HSD17B3: variants seen among roughly 807,000 people sequenced by gnomAD.
The protein encoded by HSD17B3 is hydroxysteroid 17-beta dehydrogenase 3.
A neutral mutation model predicts 41.1 loss-of-function variants in HSD17B3; 29 were observed. The ratio of observed to expected loss-of-function variants is 0.71; its 90% CI spans 0.53 to 0.96. HSD17B3 has a LOEUF of 0.96. Among genes scored for constraint, HSD17B3 ranks in the 40% least tolerant of loss-of-function variants. The pLI is 0.00. For missense variants in HSD17B3, 323 were observed against 374.6 expected, an observed-to-expected ratio of 0.86 and a Z score of 1.14; for synonymous variants, 126 against 145.6, an observed-to-expected ratio of 0.87 and a Z score of 0.97.
chr9:96,244,242 G>T, intron 9 of HSD17B3, 87 bp downstream of exon 9: 1 of 1,309,048 alleles, frequency 7.6e-7, no homozygotes, highest in Non-Finnish European at 1.1e-6. Flanking sequence ...CCCCAGCCAC[G>T]GGAGGTCCAG....
At chr9:96,276,417 T>C (rs997479418) in intron 2 of HSD17B3, among the ~76,000 whole-genome samples, 1 of 152,126 alleles carries the variant, frequency 6.6e-6, no homozygotes, top group Non-Finnish European at 1.5e-5. Context: ...AAAATTCATA[T>C]GGAACCACAA....
rs1825569121 is a variant in HSD17B3 at position 96,254,905 on chromosome 9, C to G, written c.240G>C (p.Arg80=). ...KRGLNVVLIS[R]TLEKLEAIAT... ...CAATGGCCTCTAGTTTTTCCAGCGTCCGGCTAATAAGGACAACATTGAGTC... is the reference window on the plus strand; with the variant it reads ...CAATGGCCTCTAGTTTTTCCAGCGTGCGGCTAATAAGGACAACATTGAGTC... Residue 80 remains arginine, a synonymous_variant, in exon 3 of 11, where the codon CGG becomes CGC. Coordinates refer to ENST00000375263, the MANE Select transcript of HSD17B3 (RefSeq NM_000197.2). The G allele has an allele frequency of 6.2e-7, 1 of 1,613,932 alleles. No homozygotes were observed. Among genetic ancestry groups the G allele is most frequent in the Admixed American group, 1.7e-5 (1 of 59,978 alleles).
chr9:96,263,383 T>C (rs1033654012), intron 2 of HSD17B3, among the ~76,000 whole-genome samples: 1 of 151,928 alleles, frequency 6.6e-6, no homozygotes, highest in Non-Finnish European at 1.5e-5. Context: ...ACAAATTTGA[T>C]TACAGTGTAG....
Position 96,251,432 on chromosome 9 carries a change from G to A in HSD17B3, c.439C>T (p.Pro147Ser), listed in dbSNP as rs1002934063. Reference protein sequence around the residue: ...NLLPSHFLNAPDEIQSLIHCN... With the variant: ...NLLPSHFLNASDEIQSLIHCN... Reference sequence around the variant, plus strand: ...CACAAGTCTACCTGGATTTCATCCGGTGCGTTCAGGAAATGGCTTGGGAGA... The same window carrying A: ...CACAAGTCTACCTGGATTTCATCCGATGCGTTCAGGAAATGGCTTGGGAGA... Residue 147 changes from proline (P) to serine (S), a missense_variant, in exon 5 of 11, where the codon CCG (proline) becomes TCG (serine). Pro to Ser is a moderately conservative substitution (Grantham distance 74). Transcript: ENST00000375263. The A allele has an allele frequency of 6.2e-7, 1 of 1,613,904 alleles. No individual in the cohort carries two copies.
At chr9:96,274,440 G>A (rs1231865270) in intron 2 of HSD17B3, among the ~76,000 whole-genome samples, 18 of 152,064 alleles carry the variant, frequency 1.2e-4, no homozygotes, top group Admixed American at 7.2e-4. Context: ...CAGCCTGGGC[G>A]GCTGAGTGAG....
intron 2 of HSD17B3, among the ~76,000 whole-genome samples, chr9:96,290,813 G>A (rs1365982742): frequency 1.3e-5 from 2 of 151,602 alleles, no homozygotes; most frequent in Non-Finnish European, 2.9e-5. Context: ...CAGTTTGTGT[G>A]ACAGAGTGAG....
intron 2 of HSD17B3, among the ~76,000 whole-genome samples, chr9:96,288,746 C>G (rs1289833886): frequency 6.6e-6 from 1 of 152,104 alleles, no homozygotes; most frequent in African/African-American, 2.4e-5. Context: ...ACCATCCTGG[C>G]TAACATGTTG....
chr9:96,245,530 T>C, intron 7 of HSD17B3, 104 bp from the exon 8 acceptor site: 2 of 832,388 alleles, frequency 2.4e-6, no homozygotes, highest in Non-Finnish European at 2.1e-6. Context: ...ACTCGACCCT[T>C]TCTAGGCTTC....
At chr9:96,263,148 G>C (rs1825923834) in intron 2 of HSD17B3, among the ~76,000 whole-genome samples, 1 of 152,196 alleles carries the variant, frequency 6.6e-6, no homozygotes, top group South Asian at 2.1e-4. Flanking sequence ...GTCCAGGGCA[G>C]CCCCTCTCTG....
intron 10 of HSD17B3, 120 bp downstream of exon 10, chr9:96,240,638 C>T: frequency 9.8e-7 from 1 of 1,021,150 alleles, no homozygotes; most frequent in Non-Finnish European, 1.5e-6. Context: ...GTCCTTGTAC[C>T]TGGCTATATT....
intron 10 of HSD17B3, among the ~76,000 whole-genome samples, chr9:96,238,600 G>A (rs755044762): frequency 1.2e-4 from 19 of 152,118 alleles, no homozygotes; most frequent in Admixed American, 4.6e-4. Context: ...AGGTGGAGGC[G>A]GCAGTGAGCC....
At chr9:96,263,690 C>T (rs2130748759) in intron 2 of HSD17B3, among the ~76,000 whole-genome samples, 1 of 152,082 alleles carries the variant, frequency 6.6e-6, no homozygotes, top group African/African-American at 2.4e-5. Flanking sequence ...GATTGTGCCA[C>T]TGCACTCCAG....
chr9:96,284,610 A>G (rs1826835581), intron 2 of HSD17B3, among the ~76,000 whole-genome samples: 1 of 152,218 alleles, frequency 6.6e-6, no homozygotes, highest in Admixed American at 6.5e-5. Context: ...GTCCATTGAG[A>G]AACTGGCCTC....
chr9:96,247,978 A>C (rs956999525), intron 6 of HSD17B3, among the ~76,000 whole-genome samples: 1 of 152,198 alleles, frequency 6.6e-6, no homozygotes, highest in Admixed American at 6.5e-5. Flanking sequence ...CTAAACTTCA[A>C]TTTATTTTAT....
At position 96,235,370 on chromosome 9, in the gene HSD17B3, T is replaced by C. The variant is rs1564018511; in HGVS notation, c.*90A>G. 1.2e-6 allele frequency: 1 copy of C among 867,044 alleles called. No homozygotes were observed. The highest frequency in any genetic ancestry group is 1.9e-6 in the Non-Finnish European group (1 of 520,918). The allele number at this position is 867,044 out of a possible 1,614,324, so 53.7% of individuals were successfully genotyped here. On this transcript the variant is annotated 3_prime_UTR_variant, in exon 11 of 11. Transcript: ENST00000375263. Reference sequence around the variant, plus strand: ...CCAGCCCCCTCCATCTTCAGCGGACTAGGTTGAAGTGCTGGTCTGCTCCTC... The same window carrying C: ...CCAGCCCCCTCCATCTTCAGCGGACCAGGTTGAAGTGCTGGTCTGCTCCTC...
chr9:96,291,372 T>C (rs1189977399), intron 2 of HSD17B3, among the ~76,000 whole-genome samples: 3 of 96,210 alleles, frequency 3.1e-5, no homozygotes, highest in East Asian at 3.2e-4. Flanking sequence ...CAGTAAGAAG[T>C]AGGCAGCTCT....
intron 10 of HSD17B3, among the ~76,000 whole-genome samples, chr9:96,236,749 C>T (rs556808672): frequency 1.3e-5 from 2 of 152,114 alleles, no homozygotes; most frequent in East Asian, 3.9e-4. Context: ...GCTGTAGGTA[C>T]GGGCCTTGAA....
chr9:96,292,902 G>C (rs892601546), intron 2 of HSD17B3, among the ~76,000 whole-genome samples: 3 of 152,194 alleles, frequency 2.0e-5, no homozygotes, highest in Non-Finnish European at 4.4e-5. Flanking sequence ...AGTGCTGAAA[G>C]AAAAGGACTG....
At chr9:96,288,625 A>T (rs1827022265) in intron 2 of HSD17B3, among the ~76,000 whole-genome samples, 1 of 151,864 alleles carries the variant, frequency 6.6e-6, no homozygotes, top group Admixed American at 6.6e-5. Flanking sequence ...CACCACCACC[A>T]TCTCTACAAA....
Sources: gnomAD v4.1 joint callset for allele counts (sites outside exome capture counted in the v4.1 genomes callset) on GRCh38, gnomAD v4.1.1 for gene constraint, MANE v1.5 for transcripts, NCBI Gene and HGNC (gene_info 2026-07-23, HGNC 2026-07-21) for gene names.